Variants in GARIN5B observed in about 807,000 individuals in gnomAD.
The protein encoded by GARIN5B is Golgi-associated RAB2 interactor protein 5B.
chr19:55,362,481 G>A, the GARIN5B span: 3 of 1,548,020 alleles, frequency 1.9e-6, no homozygotes, highest in Non-Finnish European at 2.6e-6. Context: ...ACGCAGAGGT[G>A]GACGAGGTCC....
the GARIN5B span, chr19:55,358,391 T>A: frequency 6.6e-7 from 1 of 1,507,314 alleles, no homozygotes. Flanking sequence ...TGGCCGTAAG[T>A]CCTCCCACGG....
chr19:55,358,794 A>C, the GARIN5B span: 2 of 1,549,268 alleles, frequency 1.3e-6, no homozygotes, highest in Non-Finnish European at 1.7e-6. Flanking sequence ...GCTTCCACAG[A>C]GAAGGGCCTG....
At chr19:55,358,495 C>T in the GARIN5B span, 1 of 1,537,310 alleles carries the variant, frequency 6.5e-7, no homozygotes, top group Non-Finnish European at 8.8e-7. Context: ...TGGGTGGCCC[C>T]TTGGGGTCCC....
chr19:55,361,336 G>A, the GARIN5B span: 23 of 1,541,750 alleles, frequency 1.5e-5, no homozygotes, highest in Non-Finnish European at 1.9e-5. Flanking sequence ...GAAGGGGGAA[G>A]AGCCAAAGGG....
the GARIN5B span, among the ~76,000 whole-genome samples, chr19:55,356,673 C>T: frequency 6.6e-6 from 1 of 151,988 alleles, no homozygotes; most frequent in Admixed American, 6.6e-5. Flanking sequence ...TTTAATGTAC[C>T]CCTTAAAGTG....
the GARIN5B span, chr19:55,362,870 G>T: frequency 6.8e-6 from 10 of 1,472,078 alleles, no homozygotes; most frequent in African/African-American, 9.9e-5. Context: ...GGGGGGCCTT[G>T]CTTCCCCTCT....
At chr19:55,361,170 T>C in the GARIN5B span, 1 of 1,551,298 alleles carries the variant, frequency 6.4e-7, no homozygotes, top group Non-Finnish European at 8.7e-7. Context: ...CCCCGCCGGC[T>C]CACCTTGGCC....
chr19:55,360,770 C>A, the GARIN5B span: 1 of 1,551,718 alleles, frequency 6.4e-7, no homozygotes, highest in Non-Finnish European at 8.7e-7. Flanking sequence ...CTGGTCTTCT[C>A]TGGATGGGGG....
At chr19:55,358,360 GAGGGT>G in the GARIN5B span, 10 of 1,517,664 alleles carry the variant, frequency 6.6e-6, no homozygotes, top group Non-Finnish European at 8.8e-6. Flanking sequence ...TCTTTGAGAT[GAGGGT>G]CTCCGAGAGG....
the GARIN5B span, among the ~76,000 whole-genome samples, chr19:55,357,704 T>C: frequency 6.6e-6 from 1 of 152,202 alleles, no homozygotes; most frequent in African/African-American, 2.4e-5. Flanking sequence ...GGTCGGACAC[T>C]GTATCCCCAC....
chr19:55,359,517 T>C, the GARIN5B span: 1 of 1,551,144 alleles, frequency 6.4e-7, no homozygotes, highest in South Asian at 1.2e-5. Flanking sequence ...GCTGGGGCCT[T>C]CCGGGGAGGA....
chr19:55,360,695 T>C, the GARIN5B span: 7 of 1,551,180 alleles, frequency 4.5e-6, 1 homozygote, highest in African/African-American at 9.6e-5. Context: ...AGGCTGGCCT[T>C]TGGAGAGGAC....
At chr19:55,360,840 G>A in the GARIN5B span, 5 of 1,549,256 alleles carry the variant, frequency 3.2e-6, no homozygotes, top group Non-Finnish European at 4.4e-6. Context: ...GGGGTGGGGT[G>A]GGTTGATCTT....
At chr19:55,363,041 C>T in the GARIN5B span, 7 of 1,498,594 alleles carry the variant, frequency 4.7e-6, no homozygotes, top group African/African-American at 7.2e-5. The surrounding 1 kb of genome is among the most constrained non-coding windows in gnomAD (Gnocchi z 4.0). Context: ...CGGCTCAAGG[C>T]ACCTCCTGTT....
chr19:55,362,653 C>A, the GARIN5B span: 3 of 1,547,110 alleles, frequency 1.9e-6, no homozygotes, highest in East Asian at 2.4e-5. Flanking sequence ...CAACACCAGG[C>A]CTGGCAGGGA....
the GARIN5B span, chr19:55,359,859 G>A: frequency 6.4e-7 from 1 of 1,551,534 alleles, no homozygotes; most frequent in East Asian, 2.4e-5. Flanking sequence ...CACAGGCACG[G>A]GTCCAGGGAG....
the GARIN5B span, chr19:55,355,305 C>T: frequency 1.5e-5 from 24 of 1,549,478 alleles, no homozygotes; most frequent in Non-Finnish European, 1.9e-5. Context: ...TGAGGTTAAG[C>T]CCCCGCATCC....
the GARIN5B span, chr19:55,355,077 C>T: frequency 2.8e-6 from 1 of 355,954 alleles, no homozygotes; most frequent in Non-Finnish European, 5.4e-6. Flanking sequence ...ACAGTCGGTG[C>T]GCACAGAACC....
the GARIN5B span, chr19:55,360,984 A>G: frequency 6.5e-7 from 1 of 1,549,694 alleles, no homozygotes; most frequent in East Asian, 2.4e-5. Context: ...CACCGGCAAC[A>G]AGACCCCACG....
Sources: allele counts gnomAD v4.1 joint callset (sites outside exome capture counted in the v4.1 genomes callset), GRCh38; gene constraint gnomAD v4.1.1; non-coding constraint Gnocchi (gnomAD v3.1); transcripts MANE v1.5; gene names NCBI Gene and HGNC (gene_info 2026-07-23, HGNC 2026-07-21).